Variants in EPM2A observed in about 807,000 individuals in gnomAD.
EPM2A encodes the protein EPM2A glucan phosphatase, laforin.
A neutral mutation model predicts 26.5 loss-of-function variants in EPM2A; 21 were observed. The observed-to-expected ratio is 0.79, with a 90% CI of 0.56 to 1.14. EPM2A has a LOEUF of 1.14. EPM2A is among the 50% of genes most tolerant of loss of function. The pLI, the probability that EPM2A is intolerant of heterozygous loss-of-function variation, is 0.00. For synonymous variants in EPM2A, 217 were observed against 177.6 expected (o/e 1.22, Z -1.76); for missense variants, 458 against 440.8 (o/e 1.04, Z -0.35).
At position 145,599,724 on chromosome 6, in the gene EPM2A, A is replaced by G. The variant is rs75761122; in HGVS notation, c.340+35521T>C. Among the ~76,000 whole-genome samples, 68 of 152,178 alleles carry G rather than the reference A, an allele frequency of 4.5e-4. No individual in the cohort carries two copies. The East Asian group carries it at 0.01, about 23-fold the overall frequency. On this transcript the variant is annotated intron_variant, in intron 2 of 3. Transcript: ENST00000450221. ...TAAAAATCTCATTAGATTCTGCTTTACATATATAATTAGAGTCCTTTGAGC... is the reference window on the plus strand; with the variant it reads ...TAAAAATCTCATTAGATTCTGCTTTGCATATATAATTAGAGTCCTTTGAGC...
chr6:145,619,871 A>C (rs1247163190), intron 2 of EPM2A, among the ~76,000 whole-genome samples: 3 of 152,244 alleles, frequency 2.0e-5, no homozygotes, highest in Non-Finnish European at 4.4e-5. Context: ...CATAATTATA[A>C]AAAATAAAAA....
At chr6:145,558,747 A>AGATAAGGTGACTAAAGCCCAAG (rs1780766184) in intron 2 of EPM2A, among the ~76,000 whole-genome samples, 1 of 152,104 alleles carries the variant, frequency 6.6e-6, no homozygotes, top group African/African-American at 2.4e-5. Flanking sequence ...CTTTAATAAG[A>AGATAAGGTGACTAAAGCCCAAG]GATAAGATGA....
intron 4 of EPM2A, among the ~76,000 whole-genome samples, chr6:145,468,763 A>G (rs887489078): frequency 3.9e-5 from 6 of 152,118 alleles, no homozygotes; most frequent in Non-Finnish European, 8.8e-5. Context: ...AGCACAGGAA[A>G]CTAATGCAAA....
At chr6:145,511,216 A>G (rs1041234051) in intron 2 of EPM2A, among the ~76,000 whole-genome samples, 1 of 152,148 alleles carries the variant, frequency 6.6e-6, no homozygotes, top group African/African-American at 2.4e-5. Context: ...TTATATTCCA[A>G]AAAATTGAGG....
rs186459243 is a variant in EPM2A at position 145,686,515 on chromosome 6, G to A, written c.302-219C>T. Among the ~76,000 whole-genome samples the A allele has an allele frequency of 9.1e-4, 139 of 152,190 alleles. 1 individual carries two copies. The highest frequency in any genetic ancestry group is 6.5e-3 in the Admixed American group (99 of 15,274). On this transcript the variant is annotated intron_variant, in intron 1 of 3. Transcript: ENST00000367519. ...AATCAGAGTTTTTTACTCCCTTTGA[G>A]TACATGGGTTATAAAAAGCATGTTA...
chr6:145,647,700 AAAGGGGAAGGGG>A (rs201085299), intron 2 of EPM2A, among the ~76,000 whole-genome samples: 9 of 151,948 alleles, frequency 5.9e-5, no homozygotes, highest in South Asian at 2.1e-4. Flanking sequence ...AGGGAAAGGG[AAAGGGGAAGGGG>A]AAGGGGAAGG....
Position 145,644,287 on chromosome 6 carries a change from T to A in EPM2A, c.477-8801A>T, listed in dbSNP as rs146176491. Among the ~76,000 whole-genome samples the A allele has an allele frequency of 4.6e-5, 7 of 152,260 alleles. No individual in the cohort carries two copies. The South Asian group carries it at 8.3e-4, about 18-fold the overall frequency. On this transcript the variant is annotated intron_variant, in intron 2 of 3. Transcript: ENST00000367519. ...AGATGATTTTAAAATCTCTTTTGCC[T>A]TTTTTTCGTGAATTCCCAGTGAGCA...
At chr6:145,686,643 G>T (rs139982530) in intron 1 of EPM2A, among the ~76,000 whole-genome samples, 103 of 151,870 alleles carry the variant, frequency 6.8e-4, no homozygotes, top group African/African-American at 2.4e-3. Context: ...AGCTATTAAT[G>T]CCCCTGTATT....
intron 1 of EPM2A, among the ~76,000 whole-genome samples, chr6:145,711,253 C>G (rs181925494): frequency 6.6e-6 from 1 of 152,166 alleles, no homozygotes; most frequent in Non-Finnish European, 1.5e-5. Flanking sequence ...AATCCCAGAA[C>G]TATTAAATTA....
At chr6:145,560,167 G>C (rs1011583602) in intron 2 of EPM2A, among the ~76,000 whole-genome samples, 3 of 152,022 alleles carry the variant, frequency 2.0e-5, no homozygotes, top group Admixed American at 6.6e-5. Context: ...AATCCACATA[G>C]AATGAACAAT....
At chr6:145,622,555 C>T (rs972268370), downstream of EPM2A, among the ~76,000 whole-genome samples, 2 of 152,190 alleles carry the variant, frequency 1.3e-5, no homozygotes, top group Admixed American at 6.5e-5. Context: ...TTCAATGTGG[C>T]TGCCATCCTT....
At chr6:145,607,818 TG>T (rs1262073615) in intron 2 of EPM2A, among the ~76,000 whole-genome samples, 2 of 152,184 alleles carry the variant, frequency 1.3e-5, no homozygotes, top group African/African-American at 2.4e-5. Context: ...CCCATTGCCA[TG>T]GAATTGCCAT....
At chr6:145,480,590 T>A (rs1431429922) in intron 4 of EPM2A, among the ~76,000 whole-genome samples, 1 of 152,184 alleles carries the variant, frequency 6.6e-6, no homozygotes, top group East Asian at 1.9e-4. Flanking sequence ...TGTCCTGTGA[T>A]GTACAAAAGT....
chr6:145,415,554 G>A (rs1182508515), intron 4 of EPM2A, among the ~76,000 whole-genome samples: 1 of 152,108 alleles, frequency 6.6e-6, no homozygotes, highest in Non-Finnish European at 1.5e-5. Context: ...GTTGAGTGAA[G>A]AATCAGGTTC....
intron 4 of EPM2A, among the ~76,000 whole-genome samples, chr6:145,419,614 C>T (rs1377786160): frequency 6.6e-6 from 1 of 152,098 alleles, no homozygotes; most frequent in East Asian, 1.9e-4. Context: ...AAGACTACTA[C>T]ATTTGGAAAA....
chr6:145,394,071 C>T (rs1176599778), intron 4 of EPM2A, among the ~76,000 whole-genome samples: 3 of 152,032 alleles, frequency 2.0e-5, no homozygotes, highest in Non-Finnish European at 4.4e-5. Flanking sequence ...GAACTGCCTG[C>T]CTCACCCTCC....
intron 2 of EPM2A, among the ~76,000 whole-genome samples, chr6:145,683,483 A>G (rs940159375): frequency 6.6e-6 from 1 of 151,952 alleles, no homozygotes; most frequent in Non-Finnish European, 1.5e-5. Flanking sequence ...CTGAGAATTC[A>G]GTAGGATAGA....
intron 4 of EPM2A, among the ~76,000 whole-genome samples, chr6:145,479,277 T>C (rs1779583279): frequency 6.8e-6 from 1 of 147,550 alleles, no homozygotes; most frequent in Admixed American, 6.8e-5. Flanking sequence ...TAACTATATA[T>C]ATATATATGA....
chr6:145,521,807 G>T (rs1417202081), intron 2 of EPM2A, among the ~76,000 whole-genome samples: 2 of 152,196 alleles, frequency 1.3e-5, no homozygotes, highest in African/African-American at 2.4e-5. Context: ...ATCTTGCAGG[G>T]ATTGGATGTA....
Sources: allele counts gnomAD v4.1 joint callset (sites outside exome capture counted in the v4.1 genomes callset), GRCh38; gene constraint gnomAD v4.1.1; transcripts MANE v1.5; gene names NCBI Gene and HGNC (gene_info 2026-07-23, HGNC 2026-07-21).